Variants in DLGAP2 observed in about 807,000 individuals in gnomAD.
DLGAP2 encodes disks large-associated protein 2.
DLGAP2 carries 26 observed loss-of-function variants against 100.3 expected under a neutral mutation model. That is an observed-to-expected ratio of 0.26 (90% CI 0.19 to 0.36). The LOEUF (loss-of-function observed/expected upper bound fraction) is 0.36. DLGAP2 is among the 10% of genes least tolerant of loss of function. The probability of loss-of-function intolerance (pLI) is 1.00; values close to 1 mark genes in which losing one functional copy is unlikely to be tolerated. For missense variants in DLGAP2, 1,858 were observed against 1,453.2 expected (o/e 1.28, Z -4.53); for synonymous variants, 886 against 630.1 (o/e 1.41, Z -6.08).
chr8:1,310,291 C>T (rs1193019055), intron 3 of DLGAP2, among the ~76,000 whole-genome samples: 1 of 151,990 alleles, frequency 6.6e-6, no homozygotes, highest in Non-Finnish European at 1.5e-5. Flanking sequence ...TATATATTGA[C>T]AGAAGGGTCA....
chr8:1,147,574 C>G (rs963586378), intron 2 of DLGAP2, among the ~76,000 whole-genome samples: 5 of 150,492 alleles, frequency 3.3e-5, no homozygotes, highest in Non-Finnish European at 7.4e-5. Flanking sequence ...TCTCTGTCAC[C>G]CAGGCTGGAG....
At chr8:1,124,811 G>C (rs1026244221) in intron 2 of DLGAP2, among the ~76,000 whole-genome samples, 1 of 152,186 alleles carries the variant, frequency 6.6e-6, no homozygotes, top group Non-Finnish European at 1.5e-5. Context: ...TCTCGTTTTA[G>C]TGGGTAGAAG....
At chr8:899,740 GAATT>G (rs1339772564) in intron 1 of DLGAP2, among the ~76,000 whole-genome samples, 4 of 152,226 alleles carry the variant, frequency 2.6e-5, no homozygotes, top group African/African-American at 9.6e-5. Flanking sequence ...TAGCTGGAAA[GAATT>G]AATTGAGTAT....
At chr8:1,412,445 A>C (rs1796758457) in intron 3 of DLGAP2, among the ~76,000 whole-genome samples, 1 of 152,200 alleles carries the variant, frequency 6.6e-6, no homozygotes. Flanking sequence ...AAATGCATGC[A>C]TGCATCTGAT....
At chr8:1,531,678 G>A (rs1800995179) in intron 4 of DLGAP2, among the ~76,000 whole-genome samples, 1 of 152,050 alleles carries the variant, frequency 6.6e-6, no homozygotes, top group African/African-American at 2.4e-5. Flanking sequence ...TTCTCTAAGA[G>A]GAAAATTCTC....
chr8:839,935 G>A (rs1314517950), intron 1 of DLGAP2, among the ~76,000 whole-genome samples: 1 of 151,684 alleles, frequency 6.6e-6, no homozygotes, highest in Non-Finnish European at 1.5e-5. Flanking sequence ...GCATCTACAC[G>A]GTGCACACCT....
chr8:1,212,126 G>C (rs1257958831), intron 2 of DLGAP2, among the ~76,000 whole-genome samples: 1 of 152,178 alleles, frequency 6.6e-6, no homozygotes, highest in African/African-American at 2.4e-5. Flanking sequence ...AATATCGAAT[G>C]TGCAGAAAAA....
intron 6 of DLGAP2, among the ~76,000 whole-genome samples, chr8:1,586,393 G>A (rs1394020542): frequency 2.6e-5 from 4 of 152,342 alleles, no homozygotes; most frequent in South Asian, 2.1e-4. Flanking sequence ...CCAGCTGGAC[G>A]GGGTGTGGGG....
intron 1 of DLGAP2, among the ~76,000 whole-genome samples, chr8:741,774 G>C (rs1820492322): frequency 6.6e-6 from 1 of 152,232 alleles, no homozygotes. Context: ...CTTCCCGTCA[G>C]AGGTGGCTCC....
At position 1,678,435 on chromosome 8, in the gene DLGAP2, T is replaced by G; in HGVS notation, c.2510T>G (p.Val837Gly). 2.5e-6 allele frequency: 4 copies of G among 1,613,544 alleles called. No homozygotes were observed. The highest frequency in any genetic ancestry group is 3.4e-6 in the Non-Finnish European group (4 of 1,179,684). Residue 837 changes from valine to glycine, a missense_variant, in exon 12 of 15, where the codon GTG becomes GGG. Val to Gly is a moderately radical substitution (Grantham distance 109, BLOSUM62 -3). Coordinates refer to ENST00000637795, the MANE Select transcript of DLGAP2 (RefSeq NM_001346810.2). The part of the protein sequence containing the change: ...FSYREDYRTQ[V>G]DTSTLPPPDP... ...TATAGAGAAGACTATCGGACCCAAG[T>G]GGACACCTCCACCCTGCCCCCTCCA...
chr8:1,271,297 A>G (rs1184187833), intron 3 of DLGAP2, among the ~76,000 whole-genome samples: 1 of 151,988 alleles, frequency 6.6e-6, no homozygotes, highest in Non-Finnish European at 1.5e-5. Context: ...TGGCATCTGG[A>G]CTCCTCAGCC....
rs935113373 is a variant in DLGAP2, at chr8:1,707,507, T to G, written c.*6101T>G. On this transcript the variant is annotated 3_prime_UTR_variant, in exon 15 of 15. Transcript: ENST00000637795. ...AGCACGAATGTTCCCCTCACTCCAC[T>G]TTTTAACTCGTTTGCTGAACTCGAC... The G allele has an allele frequency of 6.6e-6, 1 of 152,226 alleles. No homozygotes were observed. The highest frequency in any genetic ancestry group is 1.5e-5 in the Non-Finnish European group (1 of 68,054). 9.4% of individuals were successfully genotyped at this position (152,226 alleles called of 1,614,324 possible). A position where few individuals can be genotyped will look rare whatever the true frequency, so the allele number is the denominator to read the frequency against.
chr8:1,077,603 G>T lies in DLGAP2; in HGVS notation c.73+169637G>T, dbSNP rs532803164. On this transcript the variant is annotated intron_variant, in intron 2 of 14. Coordinates refer to ENST00000637795, the MANE Select transcript of DLGAP2 (RefSeq NM_001346810.2). The stretch of plus-strand genomic sequence containing the variant: ...AAGAAGGTGAGATGGTGTATGCTCG[G>T]GATTGTTTAAACCACCAATGGCCAT... Among the ~76,000 whole-genome samples the T allele has an allele frequency of 5.9e-5, 9 of 152,204 alleles. 1 individual carries two copies. In the South Asian group the frequency reaches 1.5e-3, roughly 25 times the overall value.
intron 10 of DLGAP2, among the ~76,000 whole-genome samples, chr8:1,674,054 A>G (rs1357127549): frequency 6.6e-6 from 1 of 152,096 alleles, no homozygotes; most frequent in Admixed American, 6.6e-5. Context: ...CTTTAGAACC[A>G]TCTTTATTTT....
At chr8:1,482,752 G>T (rs1214487588) in intron 3 of DLGAP2, among the ~76,000 whole-genome samples, 6 of 152,232 alleles carry the variant, frequency 3.9e-5, no homozygotes, top group African/African-American at 1.4e-4. Context: ...GCGTCTCCCC[G>T]CCCCAAACAC....
At chr8:973,204 C>T (rs553669649) in intron 2 of DLGAP2, among the ~76,000 whole-genome samples, 10 of 151,040 alleles carry the variant, frequency 6.6e-5, no homozygotes, top group South Asian at 4.2e-4. Context: ...CGGGCAGAGG[C>T]GACCCCCACC....
intron 3 of DLGAP2, among the ~76,000 whole-genome samples, chr8:1,478,005 G>T (rs527423586): frequency 6.6e-6 from 1 of 152,198 alleles, no homozygotes; most frequent in Non-Finnish European, 1.5e-5. Context: ...CTCTCTGTTC[G>T]TAGGGTTTAA....
chr8:1,510,924 T>A (rs974984876), intron 4 of DLGAP2, among the ~76,000 whole-genome samples: 3 of 152,246 alleles, frequency 2.0e-5, no homozygotes, highest in Admixed American at 2.0e-4. Context: ...AACTTGCACA[T>A]AAGATAATTT....
At chr8:1,539,711 C>T (rs548110817) in intron 4 of DLGAP2, among the ~76,000 whole-genome samples, 26 of 152,154 alleles carry the variant, frequency 1.7e-4, no homozygotes, top group Non-Finnish European at 2.9e-4. Context: ...ATGCCGACAG[C>T]GAGACCTGCC....
Sources: allele counts gnomAD v4.1 joint callset (sites outside exome capture counted in the v4.1 genomes callset), GRCh38; gene constraint gnomAD v4.1.1; transcripts MANE v1.5; gene names NCBI Gene and HGNC (gene_info 2026-07-23, HGNC 2026-07-21).